SCN10A: variants seen among roughly 807,000 people sequenced by gnomAD.
SCN10A encodes sodium channel protein type 10 subunit alpha.
Under a neutral mutation model 170.7 loss-of-function variants are expected in SCN10A, and 162 were observed. The ratio of observed to expected loss-of-function variants is 0.95; its 90% CI spans 0.84 to 1.08. The LOEUF is 1.08. SCN10A is among the 50% of genes least tolerant of loss of function. The pLI, the probability that SCN10A is intolerant of heterozygous loss-of-function variation, is 0.00. For missense variants in SCN10A, 2,527 were observed against 2,436.9 expected (o/e 1.04, Z -0.78); for synonymous variants, 985 against 904.6 (o/e 1.09, Z -1.59).
At chr3:38,767,639 G>A (rs115961894) in intron 5 of SCN10A, among the ~76,000 whole-genome samples, 1,635 of 152,164 alleles carry the variant, frequency 0.011, 27 homozygotes, top group African/African-American at 0.038. Context: ...AATTTATTGA[G>A]ATTTGTTATG....
intron 20 of SCN10A, 66 bp downstream of exon 20, chr3:38,722,191 AG>A: frequency 1.3e-6 from 2 of 1,490,168 alleles, no homozygotes; most frequent in South Asian, 1.2e-5. Flanking sequence ...ATGCAGCTCC[AG>A]GGCCTTTGGA....
intron 15 of SCN10A, among the ~76,000 whole-genome samples, chr3:38,737,761 CCTCCCTCCCTCTCTCT>C (rs2063581100): frequency 8.2e-6 from 1 of 121,480 alleles, no homozygotes; most frequent in Admixed American, 8.4e-5. Context: ...TCTCTCCCTC[CCTCCCTCCCTCTCTCT>C]CTCCCTCCCT....
At chr3:38,807,974 CT>C (rs1321622622) in intron 1 of SCN10A, among the ~76,000 whole-genome samples, 22 of 152,160 alleles carry the variant, frequency 1.4e-4, no homozygotes, top group African/African-American at 5.3e-4. Context: ...CCAACATAAT[CT>C]TTTAAAACTG....
At chr3:38,781,536 C>T (rs999463525) in intron 4 of SCN10A, among the ~76,000 whole-genome samples, 2 of 152,076 alleles carry the variant, frequency 1.3e-5, no homozygotes, top group African/African-American at 4.8e-5. Context: ...TTCACCTGAC[C>T]TCTCACCAAC....
At chr3:38,707,194 C>T in intron 26 of SCN10A, 85 bp downstream of exon 26, 1 of 1,401,584 alleles carries the variant, frequency 7.1e-7, no homozygotes. Flanking sequence ...AAACAGCACT[C>T]CCTCAGGCCC....
rs77804526 is a variant in SCN10A at position 38,698,131 on chromosome 3, C to T, written c.5089G>A (p.Val1697Ile). 0.013 allele frequency: 20,255 copies of T among 1,614,082 alleles called. 178 individuals are homozygous for T. The highest frequency in any genetic ancestry group is 0.026 in the South Asian group (2,351 of 91,068). The change falls in exon 28 of 28, where the codon GTA (valine) becomes ATA (isoleucine). Residue 1697 changes from valine (V) to isoleucine (I), a missense_variant. Val to Ile is a conservative substitution (Grantham distance 29). Transcript: ENST00000449082. ...GTRGDCGSPA[V>I]GIIFFTTYII... The stretch of plus-strand genomic sequence containing the variant: ...TAGGTGGTGAAGAAGATGATGCCTA[C>T]GGCTGGGCTCCCACAGTCCCCTCTG...
intron 14 of SCN10A, 83 bp downstream of exon 14, chr3:38,742,208 C>T (rs2063639140): frequency 2.2e-6 from 2 of 918,086 alleles, no homozygotes; most frequent in Admixed American, 1.9e-5. Context: ...GGGCATGCCC[C>T]ACCCCACCCG....
intron 3 of SCN10A, among the ~76,000 whole-genome samples, chr3:38,791,389 A>G (rs1266398735): frequency 3.9e-5 from 6 of 152,224 alleles, no homozygotes; most frequent in Non-Finnish European, 8.8e-5. Context: ...CAATTCATAT[A>G]GTAGACATTT....
intron 15 of SCN10A, among the ~76,000 whole-genome samples, chr3:38,729,478 C>T (rs549658115): frequency 6.6e-6 from 1 of 152,128 alleles, no homozygotes; most frequent in Non-Finnish European, 1.5e-5. Context: ...GACCAACGAA[C>T]CTACCCCCCA....
At chr3:38,737,042 C>T (rs372625886) in intron 15 of SCN10A, among the ~76,000 whole-genome samples, 3 of 126,684 alleles carry the variant, frequency 2.4e-5, no homozygotes, top group African/African-American at 9.2e-5. Flanking sequence ...GCAATCTCGG[C>T]TCACTGTAAG....
chr3:38,744,270 T>C (rs906786950), intron 13 of SCN10A, among the ~76,000 whole-genome samples: 1 of 152,128 alleles, frequency 6.6e-6, no homozygotes, highest in Non-Finnish European at 1.5e-5. Context: ...GGGTCTATAG[T>C]GGGAAGGAGA....
Position 38,792,120 on chromosome 3 carries a change from T to A in SCN10A, c.319A>T (p.Thr107Ser), listed in dbSNP as rs757050845. The change falls in exon 3 of 28, where the codon ACT (threonine) becomes TCT (serine). Residue 107 changes from threonine to serine, a missense_variant. Thr to Ser is a moderately conservative substitution (Grantham distance 58, BLOSUM62 1). Coordinates refer to ENST00000449082, the MANE Select transcript of SCN10A (RefSeq NM_006514.4). ...GGACTGAATAGCCACAGGGCCCGAG[T>A]GGCACTAAACCGGGAAATGGTCCTC... ...KGRTISRFSA[T>S]RALWLFSPFN... 1.7e-5 allele frequency: 27 copies of A among 1,613,822 alleles called. No individual in the cohort carries two copies. Among genetic ancestry groups the A allele is most frequent in the Non-Finnish European group, 2.1e-5 (25 of 1,179,816 alleles).
At chr3:38,781,969 TA>T (rs1432358171) in intron 4 of SCN10A, among the ~76,000 whole-genome samples, 1 of 152,060 alleles carries the variant, frequency 6.6e-6, no homozygotes, top group African/African-American at 2.4e-5. Flanking sequence ...ATTATAAATT[TA>T]TAATTATAAT....
chr3:38,807,672 G>T (rs895733034), intron 1 of SCN10A, among the ~76,000 whole-genome samples: 1 of 151,980 alleles, frequency 6.6e-6, no homozygotes, highest in Admixed American at 6.6e-5. Flanking sequence ...CTCCTCTCAT[G>T]GTCTTAACTC....
chr3:38,762,292 T>C (rs1264553831), intron 6 of SCN10A, among the ~76,000 whole-genome samples: 3 of 152,160 alleles, frequency 2.0e-5, no homozygotes, highest in Admixed American at 1.3e-4. Context: ...GTCTGACAAT[T>C]GAGGGGAAAG....
chr3:38,724,163 G>A (rs942303157), intron 18 of SCN10A, among the ~76,000 whole-genome samples: 2 of 152,148 alleles, frequency 1.3e-5, no homozygotes, highest in East Asian at 1.9e-4. Flanking sequence ...GGAACCAAGC[G>A]GCTTCTGTTC....
intron 14 of SCN10A, among the ~76,000 whole-genome samples, chr3:38,739,990 G>A (rs1156610865): frequency 6.6e-6 from 1 of 152,158 alleles, no homozygotes; most frequent in East Asian, 1.9e-4. Flanking sequence ...TGTCAGTGAA[G>A]AGTCAGTCTG....
rs765937462 is a variant in SCN10A, at chr3:38,726,852, C to A, written c.2841G>T (p.Leu947=). 6.2e-7 allele frequency: 1 copy of A among 1,614,098 alleles called. No individual in the cohort carries two copies. The highest frequency in any genetic ancestry group is 1.7e-4 in the Middle Eastern group (1 of 6,060). The change falls in exon 17 of 28, where the codon CTG becomes CTT. Residue 947 remains leucine, a synonymous_variant. Coordinates refer to ENST00000449082, the MANE Select transcript of SCN10A (RefSeq NM_006514.4). ...AGCTGGAGAGTGGGAGTTTCACCAC[C>A]AGCTCAGGCTCTGCCTTGGGCTGGG... The part of the protein sequence containing the change: ...PFPQPKAEPE[L]VVKLPLSSSK...
intron 27 of SCN10A, 64 bp downstream of exon 27, chr3:38,701,775 G>C: frequency 6.8e-7 from 1 of 1,480,610 alleles, no homozygotes; most frequent in Non-Finnish European, 9.1e-7. Flanking sequence ...CTTGGTTTTA[G>C]AAGAGCATCC....
Sources: allele counts gnomAD v4.1 joint callset (sites outside exome capture counted in the v4.1 genomes callset), GRCh38; gene constraint gnomAD v4.1.1; transcripts MANE v1.5; gene names NCBI Gene and HGNC (gene_info 2026-07-23, HGNC 2026-07-21).